Variants in EVPLL observed in about 807,000 individuals in gnomAD.
EVPLL encodes the protein envoplakin-like protein.
A neutral mutation model predicts 46.2 loss-of-function variants in EVPLL; 39 were observed. The observed-to-expected ratio is 0.84, with a 90% CI of 0.65 to 1.10. EVPLL has a LOEUF of 1.10. Among genes scored for constraint, EVPLL ranks in the 50% least tolerant of loss-of-function variants. The probability of loss-of-function intolerance (pLI) is 0.00; values close to 1 mark genes in which losing one functional copy is unlikely to be tolerated. For missense variants in EVPLL, 385 were observed against 412.6 expected (o/e 0.93, Z 0.58); for synonymous variants, 156 against 165.8 (o/e 0.94, Z 0.46).
intron 10 of EVPLL, 69 bp downstream of exon 10, chr17:18,388,357 C>T (rs1471651431): frequency 2.8e-6 from 2 of 721,016 alleles, no homozygotes; most frequent in Non-Finnish European, 4.8e-6. Flanking sequence ...CTCCTGTCAT[C>T]CCCAGCCTAG....
Position 18,383,130 on chromosome 17 carries a change from A to T in EVPLL, c.617A>T (p.Gln206Leu). ...ALAEQQRRIL[Q>L]QDWSDLMADP... ...GCGGAGCAGCAGCGCCGCATCCTGC[A>T]GCAGGACTGGAGCGACCTCATGGCC... is the stretch of plus-strand genomic sequence containing the variant. The change falls in exon 7 of 11, where the codon CAG becomes CTG. Residue 206 changes from glutamine to leucine, a missense_variant. Coordinates refer to ENST00000399134, the MANE Select transcript of EVPLL (RefSeq NM_001145127.2). 1 of 1,551,012 alleles carries T rather than the reference A, an allele frequency of 6.4e-7. No individual in the cohort carries two copies. The highest frequency in any genetic ancestry group is 8.7e-7 in the Non-Finnish European group (1 of 1,154,368).
rs976466267 is a variant in EVPLL at position 18,383,082 on chromosome 17, G to A, written c.569G>A (p.Cys190Tyr). 3.9e-6 allele frequency: 6 copies of A among 1,553,012 alleles called. No individual in the cohort carries two copies. The Admixed American group carries it at 7.5e-5, about 19-fold the overall frequency. ...CAGCCTGTACACGCACTGCAGGGCT[G>A]CACGTGGCAGCTGAGCGCCCTGGCG... is the stretch of plus-strand genomic sequence containing the variant. ...PGQPVHALQG[C>Y]TWQLSALAEQ... The change falls in exon 7 of 11, where the codon TGC becomes TAC. Residue 190 changes from cysteine to tyrosine, a missense_variant. Transcript: ENST00000399134.
chr17:18,378,688 A>G (rs1363483144), intron 1 of EVPLL, among the ~76,000 whole-genome samples: 3 of 151,048 alleles, frequency 2.0e-5, no homozygotes, highest in African/African-American at 4.9e-5. Flanking sequence ...ATGGTGGCTC[A>G]TGCCTATTGC....
In EVPLL at chr17:18,381,103, G is replaced by A; in HGVS notation, c.63+103G>A. 3 of 1,389,482 alleles carry A rather than the reference G, an allele frequency of 2.2e-6. No individual in the cohort carries two copies. The highest frequency in any genetic ancestry group is 2.5e-5 in the South Asian group (2 of 78,798). 86.1% of individuals were successfully genotyped at this position (1,389,482 alleles called of 1,614,324 possible). A position where few individuals can be genotyped will look rare whatever the true frequency, so the allele number is the denominator to read the frequency against. On this transcript the variant is annotated intron_variant, in intron 2 of 10. Transcript: ENST00000399134. This position sits in a 1 kb window ranked among gnomAD's most constrained non-coding sequence, Gnocchi z 4.2. ...CTGAGTGCCCCCTGGTGATGGTGAA[G>A]ATGGGACAGATGACATTTGTCCTGC...
At chr17:18,383,226 G>T in intron 7 of EVPLL, 41 bp downstream of exon 7, 1 of 1,549,456 alleles carries the variant, frequency 6.5e-7, no homozygotes, top group South Asian at 1.2e-5. Flanking sequence ...GGCGACCAGG[G>T]CCATCCTGGT....
intron 4 of EVPLL, 81 bp from the exon 5 acceptor site, chr17:18,382,432 C>T: frequency 6.5e-7 from 1 of 1,531,428 alleles, no homozygotes; most frequent in Non-Finnish European, 8.8e-7. Context: ...ACCAAGTCCA[C>T]TTCTCCGGGT....
chr17:18,382,711 G>T lies in EVPLL; in HGVS notation c.472+73G>T, dbSNP rs182372223. ...GTTTTTCCAGTCAGAGCCGGAGCTA[G>T]ATCGGCTGGGCCCTGGGGATAGGGG... On this transcript the variant is annotated intron_variant, in intron 5 of 10. Transcript: ENST00000399134. 2.2e-3 allele frequency: 3,381 copies of T among 1,547,000 alleles called. 6 individuals carry two copies. Among genetic ancestry groups the T allele is most frequent in the Non-Finnish European group, 2.8e-3 (3,144 of 1,141,762 alleles).
At chr17:18,382,664 TC>T (rs1438423611) in intron 5 of EVPLL, 26 bp downstream of exon 5, 1 of 1,549,188 alleles carries the variant, frequency 6.5e-7, no homozygotes, top group Non-Finnish European at 8.7e-7. Context: ...AGATGTTACA[TC>T]CGGGGCCAGC....
At chr17:18,386,801 G>A (rs7222335) in intron 9 of EVPLL, among the ~76,000 whole-genome samples, 91,285 of 151,782 alleles carry the variant, frequency 0.6, 28,116 homozygotes, top group African/African-American at 0.68. Context: ...TGGAACAGCC[G>A]GGGTGTTAGG....
chr17:18,380,261 G>T (rs1023748755), intron 1 of EVPLL: 1 of 152,374 alleles, frequency 6.6e-6, no homozygotes, highest in Non-Finnish European at 1.5e-5. Context: ...TTTCCCCTCC[G>T]TCCCTGACCA....
Position 18,382,535 on chromosome 17 carries a change from A to G in EVPLL, c.369A>G (p.Val123=). The change falls in exon 5 of 11, where the codon GTA becomes GTG. Residue 123 remains valine, a synonymous_variant. Coordinates refer to ENST00000399134, the MANE Select transcript of EVPLL (RefSeq NM_001145127.2). ...AETEAGLRRP[V]WAGHGGAGGT... Reference sequence around the variant, plus strand: ...CAGAAGCTGGTCTGCGCAGGCCAGTATGGGCCGGGCATGGCGGAGCTGGAG... The same window carrying G: ...CAGAAGCTGGTCTGCGCAGGCCAGTGTGGGCCGGGCATGGCGGAGCTGGAG... The G allele has an allele frequency of 2.6e-6, 4 of 1,551,718 alleles. No homozygotes were observed. The highest frequency in any genetic ancestry group is 3.5e-6 in the Non-Finnish European group (4 of 1,147,010).
intron 1 of EVPLL, among the ~76,000 whole-genome samples, chr17:18,378,750 C>T (rs1987465172): frequency 1.3e-5 from 2 of 151,778 alleles, no homozygotes; most frequent in African/African-American, 2.4e-5. Flanking sequence ...CCACTGCGCT[C>T]CTGCCTGGGT....
rs1359168932 is a variant in EVPLL, at chr17:18,383,199, G to T, written c.672+14G>T. 2 of 1,547,182 alleles carry T rather than the reference G, an allele frequency of 1.3e-6. No homozygotes were observed. The highest frequency in any genetic ancestry group is 2.4e-5 in the East Asian group (1 of 41,264). On this transcript the variant is annotated intron_variant, in intron 7 of 10. Coordinates refer to ENST00000399134, the MANE Select transcript of EVPLL (RefSeq NM_001145127.2). Reference sequence around the variant, plus strand: ...CGGGAATACGAGGTCGGCTGGCAGAGGTTGGGGCCAGGCGGGGGCGACCAG... The same window carrying T: ...CGGGAATACGAGGTCGGCTGGCAGATGTTGGGGCCAGGCGGGGGCGACCAG...
chr17:18,383,193 G>A lies in EVPLL; in HGVS notation c.672+8G>A, dbSNP rs1432387924. 6.5e-7 allele frequency: 1 copy of A among 1,546,468 alleles called. No homozygotes were observed. On this transcript the variant is annotated splice_region_variant and intron_variant, in intron 7 of 10. Coordinates refer to ENST00000399134, the MANE Select transcript of EVPLL (RefSeq NM_001145127.2). ...GTGCGGCGGGAATACGAGGTCGGCTGGCAGAGGTTGGGGCCAGGCGGGGGC... is the reference window on the plus strand; with the variant it reads ...GTGCGGCGGGAATACGAGGTCGGCTAGCAGAGGTTGGGGCCAGGCGGGGGC...
rs1294900767 is a variant in EVPLL at position 18,383,563 on chromosome 17, C to T, written c.852C>T (p.Leu284=). ...LNLCICQETQ[L]QHVEDYSRIL... ...TGTGCATCTGCCAGGAGACCCAGCT[C>T]CAGCACGTGGAGGACTACAGCCGGG... is the stretch of plus-strand genomic sequence containing the variant. The change falls in exon 9 of 11, where the codon CTC becomes CTT. Residue 284 remains leucine (L), a synonymous_variant. Transcript: ENST00000399134. 7 of 1,568,516 alleles carry T rather than the reference C, an allele frequency of 4.5e-6. No individual in the cohort carries two copies.
intron 1 of EVPLL, among the ~76,000 whole-genome samples, chr17:18,379,028 C>T (rs149882236): frequency 0.011 from 1,608 of 152,272 alleles, 31 homozygotes; most frequent in African/African-American, 0.036. Context: ...TGCAGTGAGC[C>T]GTGATCACTC....
intron 1 of EVPLL, among the ~76,000 whole-genome samples, chr17:18,378,432 G>A (rs1403542016): frequency 2.0e-5 from 3 of 152,112 alleles, no homozygotes; most frequent in African/African-American, 7.2e-5. Context: ...GGATCCCTGG[G>A]GTAGGGATGC....
chr17:18,383,414 T>C (rs1444299444), intron 8 of EVPLL, 36 bp downstream of exon 8: 2 of 322,858 alleles, frequency 6.2e-6, no homozygotes, highest in Admixed American at 4.6e-5. Context: ...AGAAGGGACG[T>C]GGTGGGCGGG....
chr17:18,382,399 C>G (rs1215633025), intron 4 of EVPLL, 114 bp from the exon 5 acceptor site: 7 of 1,437,904 alleles, frequency 4.9e-6, no homozygotes, highest in Non-Finnish European at 6.5e-6. Context: ...TGCTCTCAGG[C>G]TCGTCCACGC....
Sources: allele counts gnomAD v4.1 joint callset (sites outside exome capture counted in the v4.1 genomes callset), GRCh38; gene constraint gnomAD v4.1.1; non-coding constraint Gnocchi (gnomAD v3.1); transcripts MANE v1.5; gene names NCBI Gene and HGNC (gene_info 2026-07-23, HGNC 2026-07-21).